ZDHHC2: variants seen among roughly 807,000 people sequenced by gnomAD.
The protein encoded by ZDHHC2 is palmitoyltransferase ZDHHC2.
A neutral mutation model predicts 55.6 loss-of-function variants in ZDHHC2; 51 were observed. That is an observed-to-expected ratio of 0.92 (90% CI 0.73 to 1.16). ZDHHC2 has a LOEUF of 1.16. Ranked by LOEUF, ZDHHC2 falls within the 50% of genes most tolerant of loss-of-function variation. The probability of loss-of-function intolerance (pLI) is 0.00; values close to 1 mark genes in which losing one functional copy is unlikely to be tolerated. For synonymous variants in ZDHHC2, 199 were observed against 152.9 expected, an observed-to-expected ratio of 1.30 and a Z score of -2.22; for missense variants, 491 against 442.4, an observed-to-expected ratio of 1.11 and a Z score of -0.99.
chr8:17,186,246 T>G, intron 2 of ZDHHC2, 85 bp from the exon 3 acceptor site: 5 of 886,646 alleles, frequency 5.6e-6, no homozygotes, highest in Non-Finnish European at 8.6e-6. Flanking sequence ...TTTGGTTATT[T>G]TAAAACAAGC....
intron 1 of ZDHHC2, among the ~76,000 whole-genome samples, chr8:17,163,355 A>G (rs979306319): frequency 1.3e-5 from 2 of 152,190 alleles, no homozygotes; most frequent in African/African-American, 2.4e-5. Flanking sequence ...CTCAGGCTGC[A>G]TGGTCCAGCG....
chr8:17,179,867 T>A (rs776065066), intron 1 of ZDHHC2, among the ~76,000 whole-genome samples: 7 of 152,224 alleles, frequency 4.6e-5, no homozygotes, highest in Non-Finnish European at 1.0e-4. Context: ...GAACTTGAAG[T>A]TCTGGAGGTA....
chr8:17,189,917 A>G (rs1805931949), intron 3 of ZDHHC2, among the ~76,000 whole-genome samples: 1 of 152,152 alleles, frequency 6.6e-6, no homozygotes, highest in Admixed American at 6.5e-5. Flanking sequence ...CAATTAAGGT[A>G]TCTAGTGCTA....
intron 1 of ZDHHC2, among the ~76,000 whole-genome samples, chr8:17,170,112 T>C (rs1225403701): frequency 1.3e-5 from 2 of 152,168 alleles, no homozygotes; most frequent in Non-Finnish European, 2.9e-5. Context: ...GGCGAGAGTA[T>C]GATTTGCTGC....
chr8:17,213,247 T>TTTTTTTTTTC (rs1253143590), intron 10 of ZDHHC2, among the ~76,000 whole-genome samples: 99 of 148,710 alleles, frequency 6.7e-4, no homozygotes, highest in African/African-American at 2.4e-3. Flanking sequence ...GTTACACTGA[T>TTTTTTTTTTC]TTTTTTTTTC....
At position 17,166,573 on chromosome 8, in the gene ZDHHC2, T is replaced by C. The variant is rs1043137220; in HGVS notation, c.130+9720T>C. 6.6e-5 allele frequency among the ~76,000 whole-genome samples: 10 copies of C among 152,304 alleles called. No individual in the cohort carries two copies. The East Asian group carries it at 1.4e-3, about 21-fold the overall frequency. ...ATAAGTGGATTTAAAGACTTGGCAC[T>C]GGATACATTTGTTCTACCACATGTG... On this transcript the variant is annotated intron_variant, in intron 1 of 12. Coordinates refer to ENST00000262096, the MANE Select transcript of ZDHHC2 (RefSeq NM_016353.5).
chr8:17,221,980 G>GTTTTTT lies in ZDHHC2; in HGVS notation c.*1775_*1780dup, dbSNP rs34608913. 1.7e-4 allele frequency: 17 copies of GTTTTTT among 99,534 alleles called. No individual in the cohort carries two copies. The highest frequency in any genetic ancestry group is 5.6e-3 in the Middle Eastern group (1 of 180). 6.2% of individuals were successfully genotyped at this position (99,534 alleles called of 1,614,324 possible). A position where few individuals can be genotyped will look rare whatever the true frequency, so the allele number is the denominator to read the frequency against. On this transcript the variant is annotated 3_prime_UTR_variant, in exon 13 of 13. Transcript: ENST00000262096. ...TTAAGAATTATATGAAGTCAGGTTT[G>GTTTTTT]TTTTTTTTTTTTTTTTTTTTTCAAA...
chr8:17,164,054 G>A (rs1030637572), intron 1 of ZDHHC2, among the ~76,000 whole-genome samples: 2 of 152,114 alleles, frequency 1.3e-5, no homozygotes, highest in African/African-American at 4.8e-5. Flanking sequence ...AGGAGGAGGC[G>A]CTGGGTAGGA....
At chr8:17,195,713 G>T (rs1806272368) in intron 4 of ZDHHC2, 89 bp downstream of exon 4, 1 of 1,497,222 alleles carries the variant, frequency 6.7e-7, no homozygotes, top group African/African-American at 1.4e-5. Context: ...ACTTGAAATG[G>T]TAAAACACTC....
chr8:17,179,703 G>T (rs571410468), intron 1 of ZDHHC2, among the ~76,000 whole-genome samples: 4 of 152,338 alleles, frequency 2.6e-5, no homozygotes, highest in African/African-American at 9.6e-5. Flanking sequence ...GGGCCGCCCA[G>T]CCCAAAATGT....
Position 17,156,704 on chromosome 8 carries a change from C to G in ZDHHC2, c.-20C>G. On this transcript the variant is annotated 5_prime_UTR_variant, in exon 1 of 13. Transcript: ENST00000262096. ...GCCCGCGGGCGGCGGCGGAGCTGGG[C>G]AGGTGGATGCGGCTGGAAGATGGCG... 1 of 1,437,340 alleles carries G rather than the reference C, an allele frequency of 7.0e-7. No individual in the cohort carries two copies. Among genetic ancestry groups the G allele is most frequent in the Non-Finnish European group, 9.2e-7 (1 of 1,090,412 alleles). 89.0% of individuals were successfully genotyped at this position (1,437,340 alleles called of 1,614,324 possible).
intron 1 of ZDHHC2, among the ~76,000 whole-genome samples, chr8:17,164,813 A>C (rs894294476): frequency 6.6e-6 from 1 of 152,216 alleles, no homozygotes; most frequent in African/African-American, 2.4e-5. Context: ...TCTTATGTAC[A>C]GATAAAATTA....
rs748547277 is a variant in ZDHHC2, at chr8:17,198,419, T to C, written c.476+6T>C. 4.4e-6 allele frequency: 7 copies of C among 1,598,550 alleles called. No homozygotes were observed. The Middle Eastern group carries it at 5.0e-4, about 114-fold the overall frequency. On this transcript the variant is annotated splice_donor_region_variant and intron_variant, in intron 6 of 12. Coordinates refer to ENST00000262096, the MANE Select transcript of ZDHHC2 (RefSeq NM_016353.5). Reference sequence around the variant, plus strand: ...ATGGATCATCATTGTCCATGGTGAGTTGGCTGTATATTTAAACAAGTTTGT... The same window carrying C: ...ATGGATCATCATTGTCCATGGTGAGCTGGCTGTATATTTAAACAAGTTTGT...
At chr8:17,205,890 A>C in intron 7 of ZDHHC2, 115 bp downstream of exon 7, 1 of 1,002,418 alleles carries the variant, frequency 1.0e-6, no homozygotes, top group Non-Finnish European at 1.4e-6. Context: ...ATTGACATGC[A>C]GTCAGTCCTC....
At chr8:17,175,251 G>C (rs185125851) in intron 1 of ZDHHC2, among the ~76,000 whole-genome samples, 137 of 152,236 alleles carry the variant, frequency 9.0e-4, no homozygotes, top group African/African-American at 3.1e-3. Flanking sequence ...AGGTGTGGGT[G>C]GGGTTGACAG....
At position 17,186,445 on chromosome 8, in the gene ZDHHC2, A is replaced by G; in HGVS notation, c.252+20A>G. The G allele has an allele frequency of 1.5e-6, 2 of 1,356,818 alleles. No homozygotes were observed. The highest frequency in any genetic ancestry group is 2.8e-5 in the East Asian group (1 of 36,164). The allele number at this position is 1,356,818 out of a possible 1,614,324, so 84.0% of individuals were successfully genotyped here. ...AAAGAAGTAAGTTAAAATATTAACGAAATTATTCTAATAATAGAAATCAAT... is the reference window on the plus strand; with the variant it reads ...AAAGAAGTAAGTTAAAATATTAACGGAATTATTCTAATAATAGAAATCAAT... On this transcript the variant is annotated intron_variant, in intron 3 of 12. Coordinates refer to ENST00000262096, the MANE Select transcript of ZDHHC2 (RefSeq NM_016353.5).
chr8:17,198,473 C>A, intron 6 of ZDHHC2, 60 bp downstream of exon 6: 1 of 1,467,528 alleles, frequency 6.8e-7, no homozygotes, highest in Non-Finnish European at 9.2e-7. Context: ...TAAATTAAAT[C>A]ACTTATCCAT....
intron 6 of ZDHHC2, among the ~76,000 whole-genome samples, chr8:17,199,512 TTCG>T (rs1368544592): frequency 0.015 from 594 of 39,554 alleles, 8 homozygotes; most frequent in Non-Finnish European, 0.033. Context: ...CTTCTTCTTC[TTCG>T]TCTTCGTCTT....
chr8:17,216,305 A>C (rs1045835561), intron 11 of ZDHHC2, among the ~76,000 whole-genome samples: 1 of 152,228 alleles, frequency 6.6e-6, no homozygotes, highest in African/African-American at 2.4e-5. Flanking sequence ...GATCCTGAGT[A>C]AATATTCTAG....
Sources: allele counts gnomAD v4.1 joint callset (sites outside exome capture counted in the v4.1 genomes callset), GRCh38; gene constraint gnomAD v4.1.1; transcripts MANE v1.5; gene names NCBI Gene and HGNC (gene_info 2026-07-23, HGNC 2026-07-21).